The following SLC25A51 variants were observed in gnomAD, a reference collection of about 807,000 sequenced individuals.
SLC25A51 encodes the protein mitochondrial nicotinamide adenine dinucleotide transporter SLC25A51.
A neutral mutation model predicts 19.1 loss-of-function variants in SLC25A51; 11 were observed. The ratio of observed to expected loss-of-function variants is 0.58; its 90% CI spans 0.36 to 0.96. The LOEUF is 0.96. Among genes scored for constraint, SLC25A51 ranks in the 40% least tolerant of loss-of-function variants. SLC25A51 has a pLI of 0.01. For synonymous variants in SLC25A51, 105 were observed against 133.6 expected (o/e 0.79, Z 1.47); for missense variants, 201 against 365.4 (o/e 0.55, Z 3.67).
intron 2 of SLC25A51, among the ~76,000 whole-genome samples, chr9:37,891,937 C>T (rs1311236910): frequency 7.1e-6 from 1 of 140,842 alleles, no homozygotes; most frequent in African/African-American, 2.6e-5. Flanking sequence ...AAGATAGTCA[C>T]AGCCAGGCTT....
Position 37,888,301 on chromosome 9 carries a change from T to C in SLC25A51, c.250A>G (p.Ile84Val). Reference protein sequence around the residue: ...RDGFRNLYRGILPPLMQKTTT... With the variant: ...RDGFRNLYRGVLPPLMQKTTT... Reference sequence around the variant, plus strand: ...GTCTTCTGCATCAATGGGGGAAGGATTCCACGATACAAATTTCGAAATCCA... The same window carrying C: ...GTCTTCTGCATCAATGGGGGAAGGACTCCACGATACAAATTTCGAAATCCA... Residue 84 changes from isoleucine (I) to valine (V), a missense_variant, in exon 3 of 3, where the codon ATC becomes GTC. By Grantham distance (29) the Ile-to-Val change is conservative. Transcript: ENST00000242275. The C allele has an allele frequency of 1.2e-6, 2 of 1,614,198 alleles. No homozygotes were observed. The highest frequency in any genetic ancestry group is 2.2e-5 in the East Asian group (1 of 44,894).
At chr9:37,883,966 A>G (rs1389343119), downstream of SLC25A51, among the ~76,000 whole-genome samples, 2 of 152,220 alleles carry the variant, frequency 1.3e-5, no homozygotes, top group African/African-American at 4.8e-5. Context: ...TTAACCAGCC[A>G]TAGTGCATTT....
chr9:37,895,844 C>T (rs1217796614), intron 2 of SLC25A51, among the ~76,000 whole-genome samples: 1 of 150,164 alleles, frequency 6.7e-6, no homozygotes, highest in Non-Finnish European at 1.5e-5. Flanking sequence ...GAGAGAGTCT[C>T]ACTCTATCAT....
intron 2 of SLC25A51, 106 bp from the exon 3 acceptor site, chr9:37,888,698 T>G: frequency 1.2e-6 from 1 of 859,078 alleles, no homozygotes; most frequent in South Asian, 1.9e-5. Context: ...ACTTTCCTTT[T>G]CAGACTAGAT....
chr9:37,889,340 G>C (rs1006135429), intron 2 of SLC25A51, among the ~76,000 whole-genome samples: 1 of 152,080 alleles, frequency 6.6e-6, no homozygotes, highest in Non-Finnish European at 1.5e-5. Context: ...CAAAGATAAG[G>C]AATTCACAAA....
downstream of SLC25A51, chr9:37,878,427 C>T (rs1465111512): frequency 5.2e-6 from 1 of 192,216 alleles, no homozygotes. Context: ...ACTGGTTCTT[C>T]ACTCGAAAGA....
chr9:37,885,195 C>T (rs527448159), downstream of SLC25A51, among the ~76,000 whole-genome samples: 2 of 151,846 alleles, frequency 1.3e-5, no homozygotes, highest in Non-Finnish European at 2.9e-5. Context: ...CTCCTCTGGC[C>T]GGTCACAGCC....
chr9:37,903,694 C>G (rs1831907179), intron 1 of SLC25A51: 1 of 152,316 alleles, frequency 6.6e-6, no homozygotes, highest in Non-Finnish European at 1.5e-5. Context: ...GTGCCATCCC[C>G]GCTGTCCCCC....
intron 2 of SLC25A51, among the ~76,000 whole-genome samples, chr9:37,897,644 T>C (rs1831748179): frequency 6.6e-6 from 1 of 151,020 alleles, no homozygotes; most frequent in South Asian, 2.1e-4. Flanking sequence ...TAATAAATTA[T>C]AATTATAATC....
intron 1 of SLC25A51, among the ~76,000 whole-genome samples, chr9:37,901,156 C>T (rs1831839468): frequency 6.6e-6 from 1 of 151,570 alleles, no homozygotes; most frequent in African/African-American, 2.4e-5. Flanking sequence ...AGCCACCATG[C>T]TCACCTAGTT....
chr9:37,878,925 T>A (rs1831301361), downstream of SLC25A51: 1 of 195,760 alleles, frequency 5.1e-6, no homozygotes, highest in Admixed American at 6.0e-5. Flanking sequence ...GCTGAAACAG[T>A]CTTATCAAGG....
intron 2 of SLC25A51, among the ~76,000 whole-genome samples, chr9:37,890,030 T>A (rs538763502): frequency 1.3e-5 from 2 of 151,956 alleles, no homozygotes; most frequent in African/African-American, 4.8e-5. Context: ...TATACACACA[T>A]ATGTGTATGT....
downstream of SLC25A51, chr9:37,886,357 A>C: frequency 1.2e-6 from 2 of 1,611,624 alleles, no homozygotes; most frequent in Admixed American, 1.7e-5. Flanking sequence ...CCCCCACCAC[A>C]GTGTCAGATG....
Position 37,893,671 on chromosome 9 carries a change from C to T in SLC25A51, c.-42-5079G>A, listed in dbSNP as rs79074062. Among the ~76,000 whole-genome samples the T allele has an allele frequency of 9.5e-3, 1,452 of 152,226 alleles. 6 individuals are homozygous for T. The highest frequency in any genetic ancestry group is 0.014 in the Non-Finnish European group (969 of 68,022). On this transcript the variant is annotated intron_variant, in intron 2 of 2. Transcript: ENST00000242275. The stretch of plus-strand genomic sequence containing the variant: ...CTTCCGATTTTGGCAGTTACTAATG[C>T]GGTTAGATTATGAAGTCACCTGTAT...
intron 3 of SLC25A51, among the ~76,000 whole-genome samples, chr9:37,881,054 T>C (rs1358557436): frequency 6.6e-6 from 1 of 152,240 alleles, no homozygotes; most frequent in East Asian, 1.9e-4. Context: ...TTTACCTTGC[T>C]GTCCTTATCA....
At position 37,899,873 on chromosome 9, in the gene SLC25A51, A is replaced by G. The variant is rs1449351425; in HGVS notation, c.-87T>C. The stretch of plus-strand genomic sequence containing the variant: ...AGTTTGGCAGGATGATAGCTTTGTG[A>G]TAATGTTCCCAATTTCTTCCATTGT... On this transcript the variant is annotated 5_prime_UTR_variant, in exon 2 of 3. Transcript: ENST00000242275. 6.2e-6 allele frequency: 1 copy of G among 160,292 alleles called. No homozygotes were observed. Among genetic ancestry groups the G allele is most frequent in the East Asian group, 2.0e-4 (1 of 4,974 alleles). 9.9% of individuals were successfully genotyped at this position (160,292 alleles called of 1,614,324 possible). A position where few individuals can be genotyped will look rare whatever the true frequency, so the allele number is the denominator to read the frequency against.
At chr9:37,885,670 GCCCGAAA>G (rs1174757304), downstream of SLC25A51, 7 of 1,141,066 alleles carry the variant, frequency 6.1e-6, no homozygotes, top group Non-Finnish European at 9.3e-6. Flanking sequence ...CAAAGGAGTT[GCCCGAAA>G]CCGGAGAGAG....
intron 2 of SLC25A51, among the ~76,000 whole-genome samples, chr9:37,891,222 G>A (rs374408897): frequency 4.6e-5 from 7 of 152,078 alleles, no homozygotes; most frequent in Non-Finnish European, 7.4e-5. Context: ...CAGCCGCCCC[G>A]TCCAGGAGGG....
At chr9:37,888,647 G>T in intron 2 of SLC25A51, 55 bp from the exon 3 acceptor site, 2 of 1,349,670 alleles carry the variant, frequency 1.5e-6, no homozygotes, top group Non-Finnish European at 2.0e-6. Context: ...CTAAACACAT[G>T]GGCTTTCTCC....
Sources: allele counts gnomAD v4.1 joint callset (sites outside exome capture counted in the v4.1 genomes callset), GRCh38; gene constraint gnomAD v4.1.1; transcripts MANE v1.5; gene names NCBI Gene and HGNC (gene_info 2026-07-23, HGNC 2026-07-21).